Variants in OVGP1 observed in about 807,000 individuals in gnomAD.
OVGP1 encodes oviduct-specific glycoprotein.
Under a neutral mutation model 48.2 loss-of-function variants are expected in OVGP1, and 26 were observed. That is an observed-to-expected ratio of 0.54 (90% confidence interval 0.40 to 0.75). OVGP1 has a LOEUF of 0.75. OVGP1 is among the 30% of genes least tolerant of loss of function. OVGP1 has a pLI of 0.00. For missense variants in OVGP1, 791 were observed against 820.6 expected, an observed-to-expected ratio of 0.96 and a Z score of 0.44; for synonymous variants, 294 against 305.7, an observed-to-expected ratio of 0.96 and a Z score of 0.40.
At chr1:111,420,413 C>T (rs1028964337) in intron 8 of OVGP1, among the ~76,000 whole-genome samples, 1 of 152,224 alleles carries the variant, frequency 6.6e-6, no homozygotes, top group African/African-American at 2.4e-5. Flanking sequence ...AAAAATGCTT[C>T]ATTGGGTTAG....
chr1:111,422,348 T>C (rs1652292697), intron 6 of OVGP1, among the ~76,000 whole-genome samples: 1 of 152,240 alleles, frequency 6.6e-6, no homozygotes, highest in Admixed American at 6.5e-5. Flanking sequence ...ATCCCATTTC[T>C]GTTTTGGTCT....
At position 111,416,518 on chromosome 1, in the gene OVGP1, G is replaced by A. The variant is rs1459854673; in HGVS notation, c.1021-60C>T. Reference sequence around the variant, plus strand: ...TGTCAGTCTCTAGACTGGGTACAATGGCAAAAAACTGAAGATAGTCCCTCA... The same window carrying A: ...TGTCAGTCTCTAGACTGGGTACAATAGCAAAAAACTGAAGATAGTCCCTCA... On this transcript the variant is annotated intron_variant, in intron 9 of 10. Transcript: ENST00000369732. 6.8e-6 allele frequency: 10 copies of A among 1,470,162 alleles called. No homozygotes were observed. The Admixed American group carries it at 1.2e-4, about 18-fold the overall frequency. 91.1% of individuals were successfully genotyped at this position (1,470,162 alleles called of 1,614,324 possible).
intron 9 of OVGP1, 36 bp from the exon 10 acceptor site, chr1:111,416,494 G>A (rs200976386): frequency 2.5e-6 from 4 of 1,578,398 alleles, no homozygotes; most frequent in African/African-American, 1.3e-5. Flanking sequence ...TGCTGTACTT[G>A]TCAGTCTCTA....
rs200108126 is a variant in OVGP1, at chr1:111,419,670, C to A, written c.960G>T (p.Pro320=). 1.2e-6 allele frequency: 2 copies of A among 1,613,596 alleles called. No homozygotes were observed. The highest frequency in any genetic ancestry group is 1.7e-6 in the Non-Finnish European group (2 of 1,179,708). The change falls in exon 9 of 11, where the codon CCG becomes CCT. Residue 320 remains proline, a synonymous_variant. Coordinates refer to ENST00000369732, the MANE Select transcript of OVGP1 (RefSeq NM_002557.4). ...CCCACTCTTTCCCCTTGTTGGCATA[C>A]GGGACATACTGGTAATCAATCCAGT... ...KKHWIDYQYV[P]YANKGKEWVG...
chr1:111,416,589 T>C (rs1652143776), intron 9 of OVGP1, 131 bp from the exon 10 acceptor site: 2 of 698,168 alleles, frequency 2.9e-6, no homozygotes, highest in South Asian at 6.7e-5. Flanking sequence ...AGCATTTGAA[T>C]CTAGCTTTTA....
rs747548920 is a variant in OVGP1 at position 111,421,447 on chromosome 1, A to C, written c.732T>G (p.Asn244Lys). The change falls in exon 8 of 11, where the codon AAT becomes AAG. Residue 244 changes from asparagine (N) to lysine (K), a missense_variant. Coordinates refer to ENST00000369732, the MANE Select transcript of OVGP1 (RefSeq NM_002557.4). ...AGGGTGCCCCAAGCTTTCTCCAATA[A>C]TTCATAGCATATGCCTGCAGGTAAG... ...EDPKSSAYAM[N>K]YWRKLGAPSE... The C allele has an allele frequency of 5.9e-5, 95 of 1,611,096 alleles. No individual in the cohort carries two copies. Among genetic ancestry groups the C allele is most frequent in the Non-Finnish European group, 8.0e-5 (94 of 1,178,748 alleles).
rs1256442977 is a variant in OVGP1 at position 111,421,411 on chromosome 1, G to A, written c.768C>T (p.Leu256=). 3.7e-6 allele frequency: 6 copies of A among 1,613,412 alleles called. No homozygotes were observed. The African/African-American group carries it at 4.0e-5, about 11-fold the overall frequency. Residue 256 remains leucine (L), a synonymous_variant, in exon 8 of 11, where the codon CTC becomes CTT. Transcript: ENST00000369732. Reference sequence around the variant, plus strand: ...GTCCATAGGTGGGGATCCCCATGATGAGCTTCTCTGAGGGTGCCCCAAGCT... The same window carrying A: ...GTCCATAGGTGGGGATCCCCATGATAAGCTTCTCTGAGGGTGCCCCAAGCT... ...WRKLGAPSEK[L]IMGIPTYGRT... is the part of the protein sequence containing the mutation.
intron 8 of OVGP1, 141 bp downstream of exon 8, chr1:111,421,135 G>C: frequency 1.7e-6 from 1 of 603,254 alleles, no homozygotes; most frequent in Non-Finnish European, 2.7e-6. Context: ...ATCCCAGAGA[G>C]TGGGTTTCTC....
chr1:111,427,403 T>C (rs1652424307), intron 1 of OVGP1: 1 of 977,018 alleles, frequency 1.0e-6, no homozygotes, highest in Non-Finnish European at 1.2e-6. Context: ...TGGCTGCAAA[T>C]TAAGAAGTAC....
intron 5 of OVGP1, 150 bp downstream of exon 5, chr1:111,423,393 A>T (rs1003138443): frequency 7.3e-6 from 6 of 824,274 alleles, no homozygotes; most frequent in Non-Finnish European, 1.1e-5. Context: ...AGGGAGTTAC[A>T]GGTATTACCC....
chr1:111,427,613 C>A, intron 1 of OVGP1, 84 bp downstream of exon 1: 1 of 1,508,614 alleles, frequency 6.6e-7, no homozygotes, highest in Non-Finnish European at 9.2e-7. Context: ...TCAGGCTGCT[C>A]TCTCAGGCAC....
intron 6 of OVGP1, 40 bp from the exon 7 acceptor site, chr1:111,421,713 G>C (rs369165582): frequency 2.4e-6 from 3 of 1,275,738 alleles, no homozygotes; most frequent in Non-Finnish European, 3.4e-6. Context: ...GACTGGGCTA[G>C]CCAGATTTTC....
chr1:111,426,607 G>A lies in OVGP1; in HGVS notation c.90C>T (p.Asn30=). Residue 30 remains asparagine (N), a synonymous_variant, in exon 3 of 11, where the codon AAC becomes AAT. Coordinates refer to ENST00000369732, the MANE Select transcript of OVGP1 (RefSeq NM_002557.4). ...AAHKLVCYFT[N]WAHSRPGPAS... is the part of the protein sequence containing the mutation. ...CAGGGCCTGGCCGACTGTGTGCCCA[G>A]TTGGTGAAATAACACACGAGTTTAT... 6.2e-7 allele frequency: 1 copy of A among 1,614,116 alleles called. No homozygotes were observed. The highest frequency in any genetic ancestry group is 8.5e-7 in the Non-Finnish European group (1 of 1,179,988).
chr1:111,427,567 C>A, intron 1 of OVGP1, 130 bp downstream of exon 1: 1 of 1,175,992 alleles, frequency 8.5e-7, no homozygotes, highest in Non-Finnish European at 1.2e-6. Context: ...AACTATGGCC[C>A]ATCCCATCTC....
rs767287515 is a variant in OVGP1, at chr1:111,421,516, G to A, written c.717+49C>T. 3.7e-6 allele frequency: 6 copies of A among 1,607,544 alleles called. No homozygotes were observed. In the South Asian group the frequency reaches 5.5e-5, roughly 15 times the overall value. ...TTGTTACTAAGAGCCAATGGCCTGA[G>A]CTCAGGGGGGCAGATGTCTGGACCA... On this transcript the variant is annotated intron_variant, in intron 7 of 10. Transcript: ENST00000369732.
chr1:111,418,003 G>A (rs1652176118), intron 9 of OVGP1, among the ~76,000 whole-genome samples: 1 of 152,202 alleles, frequency 6.6e-6, no homozygotes. Flanking sequence ...GGGGGAAAGA[G>A]GAAAGCAGCT....
At chr1:111,424,187 C>T (rs1292071985) in intron 4 of OVGP1, among the ~76,000 whole-genome samples, 1 of 152,224 alleles carries the variant, frequency 6.6e-6, no homozygotes, top group South Asian at 2.1e-4. Flanking sequence ...TGTCCAGAAA[C>T]ATCTATGAGT....
intron 3 of OVGP1, 111 bp from the exon 4 acceptor site, chr1:111,425,550 G>A: frequency 1.3e-6 from 2 of 1,550,150 alleles, no homozygotes; most frequent in Non-Finnish European, 1.7e-6. Flanking sequence ...AGGAGAGATG[G>A]GAGGTAAGGA....
intron 8 of OVGP1, 47 bp from the exon 9 acceptor site, chr1:111,419,773 A>G (rs539656827): frequency 2.8e-6 from 3 of 1,089,820 alleles, no homozygotes; most frequent in African/African-American, 3.1e-5. Context: ...CCATGGAGAT[A>G]AGCACCAAGA....
Sources: allele counts gnomAD v4.1 joint callset (sites outside exome capture counted in the v4.1 genomes callset), GRCh38; gene constraint gnomAD v4.1.1; transcripts MANE v1.5; gene names NCBI Gene and HGNC (gene_info 2026-07-23, HGNC 2026-07-21).